Variants in ASIC2 observed in about 807,000 individuals in gnomAD.
ASIC2 encodes acid-sensing ion channel 2.
ASIC2 carries 25 observed loss-of-function variants against 57.3 expected under a neutral mutation model. That is an observed-to-expected ratio of 0.44 (90% CI 0.32 to 0.61). The LOEUF is 0.61. Among genes scored for constraint, ASIC2 ranks in the 20% least tolerant of loss-of-function variants. The pLI, the probability that ASIC2 is intolerant of heterozygous loss-of-function variation, is 0.06. For missense variants in ASIC2, 641 were observed against 738.1 expected, an observed-to-expected ratio of 0.87 and a Z score of 1.52; for synonymous variants, 319 against 307.5, an observed-to-expected ratio of 1.04 and a Z score of -0.39.
At chr17:34,077,500 A>C (rs1909714104) in intron 1 of ASIC2, among the ~76,000 whole-genome samples, 1 of 152,178 alleles carries the variant, frequency 6.6e-6, no homozygotes. Context: ...AGTCTTCAGA[A>C]CCTGCACTCC....
chr17:33,421,583 T>C (rs1597722751), intron 1 of ASIC2, among the ~76,000 whole-genome samples: 1 of 152,198 alleles, frequency 6.6e-6, no homozygotes, highest in Non-Finnish European at 1.5e-5. Flanking sequence ...GCAAGTTGCA[T>C]TGACTTATTT....
intron 1 of ASIC2, among the ~76,000 whole-genome samples, chr17:33,369,944 C>T (rs945386896): frequency 6.6e-6 from 1 of 152,306 alleles, no homozygotes; most frequent in East Asian, 1.9e-4. Context: ...ATAAGCCATA[C>T]TCCAACTAAA....
At chr17:33,850,061 T>C (rs1712137101) in intron 1 of ASIC2, among the ~76,000 whole-genome samples, 1 of 152,252 alleles carries the variant, frequency 6.6e-6, no homozygotes, top group Non-Finnish European at 1.5e-5. Context: ...AAAGACATGG[T>C]TCTTGCCTTA....
intron 1 of ASIC2, 75 bp from the exon 2 acceptor site, chr17:33,112,142 C>G (rs534080116): frequency 1.4e-6 from 2 of 1,477,672 alleles, no homozygotes; most frequent in African/African-American, 2.8e-5. Flanking sequence ...TGGCGAGACC[C>G]CAGAAATCTG....
chr17:33,826,716 C>G (rs1567726804), intron 1 of ASIC2, among the ~76,000 whole-genome samples: 2 of 152,070 alleles, frequency 1.3e-5, no homozygotes, highest in Admixed American at 6.5e-5. Flanking sequence ...TGGACCAGAC[C>G]TTATGATTTG....
At chr17:33,133,882 G>T (rs926316349) in intron 1 of ASIC2, among the ~76,000 whole-genome samples, 1 of 152,208 alleles carries the variant, frequency 6.6e-6, no homozygotes, top group Non-Finnish European at 1.5e-5. Context: ...AAGGCTTAGC[G>T]GTGGAGGGCA....
intron 1 of ASIC2, among the ~76,000 whole-genome samples, chr17:33,157,790 T>C (rs1905048101): frequency 6.6e-6 from 1 of 152,188 alleles, no homozygotes; most frequent in Non-Finnish European, 1.5e-5. Context: ...CTAATAACGT[T>C]TCCCCGACAC....
rs574018897 is a variant in ASIC2, at chr17:33,680,835, G to A, written c.555+475143C>T. The A allele has an allele frequency of 2.6e-5, 4 of 152,292 alleles. No homozygotes were observed. In the East Asian group the frequency reaches 7.7e-4, roughly 29 times the overall value. The allele number at this position is 152,292 out of a possible 1,614,324, so 9.4% of individuals were successfully genotyped here. A position where few individuals can be genotyped will look rare whatever the true frequency, so the allele number is the denominator to read the frequency against. On this transcript the variant is annotated intron_variant, in intron 1 of 9. Coordinates refer to the ASIC2 transcript ENST00000359872. ...ACTTGTTAGTTTATTTTAAATGTGC[G>A]ATTTGTTTGGTTGCATTTTCTCCTT...
intron 1 of ASIC2, among the ~76,000 whole-genome samples, chr17:33,712,708 G>C (rs1056569567): frequency 2.1e-5 from 3 of 144,240 alleles, no homozygotes; most frequent in Admixed American, 7.1e-5. Flanking sequence ...TGCAGTGGCG[G>C]GATCTCGGCT....
Position 33,672,015 on chromosome 17 carries a change from C to T in ASIC2, c.555+483963G>A, listed in dbSNP as rs145685315. On this transcript the variant is annotated intron_variant, in intron 1 of 9. Transcript: ENST00000359872. ...ATCAGTTCACTTTTCCCCCCCTATT[C>T]ATTTGGAGGTTTGAAAAGCCAAGAA... 3.2e-3 allele frequency among the ~76,000 whole-genome samples: 486 copies of T among 152,162 alleles called. 8 individuals carry two copies. Among genetic ancestry groups the T allele is most frequent in the African/African-American group, 0.011 (462 of 41,498 alleles).
intron 1 of ASIC2, among the ~76,000 whole-genome samples, chr17:34,080,455 A>C (rs79336462): frequency 0.029 from 4,398 of 152,332 alleles, 188 homozygotes; most frequent in African/African-American, 0.088. Context: ...GGTGAGCTGG[A>C]TCCAGACTCC....
chr17:33,308,221 T>G (rs141332974), intron 1 of ASIC2, among the ~76,000 whole-genome samples: 2 of 152,340 alleles, frequency 1.3e-5, no homozygotes, highest in Non-Finnish European at 2.9e-5. Flanking sequence ...TTCAGAAATC[T>G]CTAAATTTAT....
intron 1 of ASIC2, among the ~76,000 whole-genome samples, chr17:33,709,986 A>G (rs140421107): frequency 2.0e-5 from 3 of 152,074 alleles, no homozygotes; most frequent in Admixed American, 1.3e-4. Context: ...TGACCTTGTT[A>G]TCTTTGTTCC....
chr17:33,989,827 C>T (rs1905946536), intron 1 of ASIC2, among the ~76,000 whole-genome samples: 1 of 152,086 alleles, frequency 6.6e-6, no homozygotes, highest in Admixed American at 6.6e-5. Flanking sequence ...GAGAAAAGGA[C>T]AACTTAAAGA....
intron 1 of ASIC2, among the ~76,000 whole-genome samples, chr17:33,674,208 A>G (rs73279065): frequency 6.6e-6 from 1 of 151,954 alleles, no homozygotes; most frequent in Non-Finnish European, 1.5e-5. Flanking sequence ...CTTTAGCAAG[A>G]TATTTTCAGA....
chr17:33,277,281 G>A (rs1463628080), intron 1 of ASIC2, among the ~76,000 whole-genome samples: 1 of 152,170 alleles, frequency 6.6e-6, no homozygotes, highest in African/African-American at 2.4e-5. Context: ...CTTGGAGAAG[G>A]ACACATATTT....
intron 1 of ASIC2, among the ~76,000 whole-genome samples, chr17:33,157,874 G>A (rs1253628877): frequency 6.6e-6 from 1 of 152,196 alleles, no homozygotes; most frequent in Non-Finnish European, 1.5e-5. Context: ...CCCTGCAAAA[G>A]GTAGACTCTC....
rs758476459 is a variant in ASIC2, at chr17:34,062,788, T to G, written c.555+93190A>C. ...AACCTAGAAGAGACAGATAAATTCCTGGAAAAATACAACCCTCCTAGCTTA... is the reference window on the plus strand; with the variant it reads ...AACCTAGAAGAGACAGATAAATTCCGGGAAAAATACAACCCTCCTAGCTTA... On this transcript the variant is annotated intron_variant, in intron 1 of 9. Transcript: ENST00000359872. 5.3e-4 allele frequency among the ~76,000 whole-genome samples: 80 copies of G among 152,086 alleles called. 1 individual carries two copies. The highest frequency in any genetic ancestry group is 6.6e-4 in the Non-Finnish European group (45 of 67,980).
chr17:33,367,586 C>T (rs537332804), intron 1 of ASIC2, among the ~76,000 whole-genome samples: 1 of 152,358 alleles, frequency 6.6e-6, no homozygotes, highest in South Asian at 2.1e-4. Flanking sequence ...TCCCTTCATG[C>T]CTGCTGTCAG....
Sources: allele counts gnomAD v4.1 joint callset (sites outside exome capture counted in the v4.1 genomes callset), GRCh38; gene constraint gnomAD v4.1.1; transcripts MANE v1.5; gene names NCBI Gene and HGNC (gene_info 2026-07-23, HGNC 2026-07-21).